Variants in SGCZ observed in about 807,000 individuals in gnomAD.
SGCZ encodes the protein sarcoglycan zeta.
SGCZ carries 40 observed loss-of-function variants against 41.3 expected under a neutral mutation model. That is an observed-to-expected ratio of 0.97 (90% CI 0.75 to 1.26). SGCZ has a LOEUF of 1.26. SGCZ is among the 50% of genes most tolerant of loss of function. The probability of loss-of-function intolerance (pLI) is 0.00; values close to 1 mark genes in which losing one functional copy is unlikely to be tolerated. For missense variants in SGCZ, 552 were observed against 369.8 expected, an observed-to-expected ratio of 1.49 and a Z score of -4.04; for synonymous variants, 206 against 137.5, an observed-to-expected ratio of 1.50 and a Z score of -3.49.
intron 3 of SGCZ, among the ~76,000 whole-genome samples, chr8:14,252,719 C>G (rs1402969326): frequency 6.6e-6 from 1 of 152,164 alleles, no homozygotes; most frequent in African/African-American, 2.4e-5. Context: ...GGATACAGTA[C>G]TTGTAACTCC....
chr8:14,778,061 A>G (rs569847624), intron 1 of SGCZ, among the ~76,000 whole-genome samples: 18 of 152,168 alleles, frequency 1.2e-4, no homozygotes, highest in African/African-American at 4.1e-4. Flanking sequence ...GTAGCTGAGA[A>G]TATAGGCATG....
At chr8:14,688,234 A>G (rs1244609065) in intron 1 of SGCZ, among the ~76,000 whole-genome samples, 2 of 152,100 alleles carry the variant, frequency 1.3e-5, no homozygotes, top group Non-Finnish European at 2.9e-5. Flanking sequence ...TTTTGTTGCC[A>G]TTGCTTTTGG....
intron 4 of SGCZ, among the ~76,000 whole-genome samples, chr8:14,195,424 G>C (rs1342594116): frequency 1.3e-5 from 2 of 152,104 alleles, no homozygotes. Flanking sequence ...AACTTCAGCT[G>C]AGTTCACGTA....
intron 1 of SGCZ, among the ~76,000 whole-genome samples, chr8:14,809,630 T>C (rs186008058): frequency 3.3e-5 from 5 of 152,162 alleles, no homozygotes; most frequent in Non-Finnish European, 5.9e-5. Flanking sequence ...AGACCCTCAA[T>C]TGTCTATAGC....
intron 1 of SGCZ, among the ~76,000 whole-genome samples, chr8:15,118,905 G>C (rs76443537): frequency 0.011 from 1,745 of 152,202 alleles, 29 homozygotes; most frequent in African/African-American, 0.041. Context: ...ACACGTTCCA[G>C]ATGAAATCAT....
chr8:14,630,337 G>A (rs1272292578), intron 1 of SGCZ, among the ~76,000 whole-genome samples: 1 of 151,928 alleles, frequency 6.6e-6, no homozygotes, highest in Non-Finnish European at 1.5e-5. Flanking sequence ...GAGGCTTGGA[G>A]GAGAGAGATG....
chr8:14,799,132 G>A (rs956358901), intron 1 of SGCZ, among the ~76,000 whole-genome samples: 27 of 151,230 alleles, frequency 1.8e-4, no homozygotes, highest in Non-Finnish European at 1.0e-4. Context: ...ATACATTTTG[G>A]AAGAAAACTA....
At chr8:14,516,123 A>G (rs1325341134) in intron 2 of SGCZ, among the ~76,000 whole-genome samples, 1 of 147,048 alleles carries the variant, frequency 6.8e-6, no homozygotes. Flanking sequence ...TTTTTTTTCT[A>G]TGTCTGTGGT....
chr8:14,261,364 G>A (rs868635305), intron 3 of SGCZ, among the ~76,000 whole-genome samples: 2 of 152,118 alleles, frequency 1.3e-5, no homozygotes, highest in East Asian at 1.9e-4. Flanking sequence ...TTCAGCGTAG[G>A]TTTTAAAGAA....
chr8:14,381,160 A>G (rs560022314), intron 2 of SGCZ, among the ~76,000 whole-genome samples: 194 of 152,354 alleles, frequency 1.3e-3, no homozygotes, highest in African/African-American at 4.5e-3. Context: ...GGATTTAGAT[A>G]TATGGATGGC....
intron 2 of SGCZ, among the ~76,000 whole-genome samples, chr8:14,450,676 A>G (rs937278357): frequency 4.6e-5 from 7 of 152,116 alleles, no homozygotes; most frequent in Non-Finnish European, 1.0e-4. Flanking sequence ...CATAGTGACC[A>G]CTTAGATTTT....
rs185441997 is a variant in SGCZ at position 14,982,965 on chromosome 8, A to C, written c.39+254620T>G. ...AGACAGAGGAAGTAGTTGGAATCCC[A>C]ATTTAGCCACCTATTAGCTATTTGG... On this transcript the variant is annotated intron_variant, in intron 1 of 7. Coordinates refer to ENST00000382080, the MANE Select transcript of SGCZ (RefSeq NM_139167.4). Among the ~76,000 whole-genome samples the C allele has an allele frequency of 2.0e-5, 3 of 152,290 alleles. No homozygotes were observed. The East Asian group carries it at 5.8e-4, about 29-fold the overall frequency.
At chr8:14,102,312 A>C in intron 7 of SGCZ, 64 bp downstream of exon 7, 1 of 1,327,496 alleles carries the variant, frequency 7.5e-7, no homozygotes, top group Non-Finnish European at 9.8e-7. Context: ...TAAATAGGAC[A>C]TCTAAATACT....
chr8:14,130,660 C>T (rs1014154386), intron 5 of SGCZ, among the ~76,000 whole-genome samples: 3 of 152,086 alleles, frequency 2.0e-5, no homozygotes, highest in Non-Finnish European at 2.9e-5. Flanking sequence ...TAAAAAGCAG[C>T]CACTAAATCA....
At chr8:14,888,219 A>C (rs1408401883) in intron 1 of SGCZ, among the ~76,000 whole-genome samples, 1 of 152,214 alleles carries the variant, frequency 6.6e-6, no homozygotes, top group Non-Finnish European at 1.5e-5. Context: ...TTATCCTTAA[A>C]TGACAAAAGA....
chr8:14,894,184 A>G (rs1450605919), intron 1 of SGCZ, among the ~76,000 whole-genome samples: 2 of 152,206 alleles, frequency 1.3e-5, no homozygotes, highest in Non-Finnish European at 2.9e-5. Flanking sequence ...ACTGCCTCAT[A>G]GTACTTAAAC....
chr8:14,919,583 T>C (rs1799531901), intron 1 of SGCZ, among the ~76,000 whole-genome samples: 2 of 152,258 alleles, frequency 1.3e-5, no homozygotes, highest in Admixed American at 1.3e-4. Context: ...ACAATTAAGA[T>C]ACTAATATTA....
intron 1 of SGCZ, among the ~76,000 whole-genome samples, chr8:14,787,549 G>C (rs912154463): frequency 3.9e-5 from 6 of 152,038 alleles, no homozygotes; most frequent in African/African-American, 1.4e-4. Context: ...TCCTAATTAA[G>C]AAGGAATATT....
Position 14,089,718 on chromosome 8 carries a change from T to G in SGCZ, c.*725A>C, listed in dbSNP as rs1161204533. Reference sequence around the variant, plus strand: ...TAAATACTATATAAGGCCATCCAGATCTGACCAATGACATTATAATGGCAT... The same window carrying G: ...TAAATACTATATAAGGCCATCCAGAGCTGACCAATGACATTATAATGGCAT... On this transcript the variant is annotated 3_prime_UTR_variant, in exon 8 of 8. Transcript: ENST00000382080. 1.3e-5 allele frequency: 2 copies of G among 152,006 alleles called. No homozygotes were observed. The highest frequency in any genetic ancestry group is 4.8e-5 in the African/African-American group (2 of 41,432). The allele number at this position is 152,006 out of a possible 1,614,324, so 9.4% of individuals were successfully genotyped here. A position where few individuals can be genotyped will look rare whatever the true frequency, so the allele number is the denominator to read the frequency against.
Sources: allele counts gnomAD v4.1 joint callset (sites outside exome capture counted in the v4.1 genomes callset), GRCh38; gene constraint gnomAD v4.1.1; transcripts MANE v1.5; gene names NCBI Gene and HGNC (gene_info 2026-07-23, HGNC 2026-07-21).